The following PLPPR1 variants were observed in gnomAD, a reference collection of about 807,000 sequenced individuals.
PLPPR1 encodes phospholipid phosphatase-related protein type 1.
In PLPPR1, 10 loss-of-function variants were observed where a neutral mutation model predicts 33.1. The observed-to-expected ratio is 0.30, with a 90% CI of 0.19 to 0.51. The LOEUF (loss-of-function observed/expected upper bound fraction) is 0.51, where lower values mean the gene tolerates loss of function less well. PLPPR1 is among the 20% of genes least tolerant of loss of function. The probability of loss-of-function intolerance (pLI) is 0.97; values close to 1 mark genes in which losing one functional copy is unlikely to be tolerated. For missense variants in PLPPR1, 304 were observed against 408.1 expected (o/e 0.74, Z 2.20); for synonymous variants, 151 against 151.0 (o/e 1.00, Z 0.00).
At chr9:101,180,094 TTATATATATATATATATATA>T (rs71507977) in intron 1 of PLPPR1, among the ~76,000 whole-genome samples, 2,191 of 61,984 alleles carry the variant, frequency 0.035, 85 homozygotes, top group African/African-American at 0.062. Flanking sequence ...AAACTCTCCT[TTATATATATATATATATATA>T]TATATATATA....
At chr9:101,308,028 C>T (rs941356769) in intron 4 of PLPPR1, among the ~76,000 whole-genome samples, 2 of 152,138 alleles carry the variant, frequency 1.3e-5, no homozygotes, top group African/African-American at 4.8e-5. Context: ...TGGAATTTAC[C>T]AGAGAACAAA....
At chr9:101,234,220 C>T (rs943107183) in intron 2 of PLPPR1, among the ~76,000 whole-genome samples, 44 of 151,942 alleles carry the variant, frequency 2.9e-4, no homozygotes, top group African/African-American at 9.2e-4. Flanking sequence ...GTTTTCTCCC[C>T]CCTACTGTTT....
chr9:101,313,297 C>G (rs1346276681), intron 6 of PLPPR1, among the ~76,000 whole-genome samples: 1 of 152,102 alleles, frequency 6.6e-6, no homozygotes, highest in Non-Finnish European at 1.5e-5. Flanking sequence ...TCAAACCAAT[C>G]TTCTCTAAGT....
intron 1 of PLPPR1, among the ~76,000 whole-genome samples, chr9:101,128,899 T>TTC (rs1215301049): frequency 1.3e-5 from 2 of 152,180 alleles, no homozygotes; most frequent in Admixed American, 6.5e-5. Context: ...AATCCTGTTG[T>TTC]TCTCTCAAAG....
intron 1 of PLPPR1, among the ~76,000 whole-genome samples, chr9:101,114,647 T>G (rs943427618): frequency 6.6e-6 from 1 of 152,126 alleles, no homozygotes; most frequent in Non-Finnish European, 1.5e-5. Flanking sequence ...CACAGCACAG[T>G]GTAATTAAGG....
intron 1 of PLPPR1, among the ~76,000 whole-genome samples, chr9:101,050,148 A>AG: frequency 6.6e-6 from 1 of 150,808 alleles, no homozygotes; most frequent in South Asian, 2.1e-4. Flanking sequence ...AAAAAAAAAA[A>AG]GAGTATAAGC....
At chr9:101,269,739 C>A in intron 2 of PLPPR1, 141 bp from the exon 3 acceptor site, 1 of 750,034 alleles carries the variant, frequency 1.3e-6, no homozygotes, top group Non-Finnish European at 2.3e-6. Flanking sequence ...TCCCAGAGCA[C>A]GCTGCGCCTG....
chr9:101,252,946 C>T (rs1250549545), intron 2 of PLPPR1, among the ~76,000 whole-genome samples: 1 of 151,852 alleles, frequency 6.6e-6, no homozygotes, highest in African/African-American at 2.4e-5. Context: ...TTTTCATTAC[C>T]TAAGTCCCTA....
At chr9:101,250,727 A>G (rs1460818051) in intron 2 of PLPPR1, among the ~76,000 whole-genome samples, 1 of 152,090 alleles carries the variant, frequency 6.6e-6, no homozygotes, top group Non-Finnish European at 1.5e-5. Flanking sequence ...TCTTTGCTGC[A>G]TTCAATGCTG....
At chr9:101,108,746 T>G (rs1449260839) in intron 1 of PLPPR1, among the ~76,000 whole-genome samples, 1 of 152,256 alleles carries the variant, frequency 6.6e-6, no homozygotes, top group Non-Finnish European at 1.5e-5. Flanking sequence ...TCCAAACAAT[T>G]AAGCTACATC....
rs1330462126 is a variant in PLPPR1 at position 101,324,985 on chromosome 9, T to C, written c.*928T>C. ...ACTGCATCTCATTTTTCTAGCATGG[T>C]GAGAACTAATATGTAACTCCTTTGA... On this transcript the variant is annotated 3_prime_UTR_variant, in exon 8 of 8. Coordinates refer to ENST00000374874, the MANE Select transcript of PLPPR1 (RefSeq NM_207299.2). 6.6e-6 allele frequency: 1 copy of C among 152,590 alleles called. No homozygotes were observed. The highest frequency in any genetic ancestry group is 6.5e-5 in the Admixed American group (1 of 15,288). The allele number at this position is 152,590 out of a possible 1,614,324, so 9.5% of individuals were successfully genotyped here.
intron 2 of PLPPR1, among the ~76,000 whole-genome samples, chr9:101,208,553 C>T (rs983460006): frequency 8.5e-5 from 13 of 152,292 alleles, no homozygotes; most frequent in Non-Finnish European, 1.9e-4. Context: ...CTAAGTAGCT[C>T]TCTACTGGAA....
At chr9:101,202,895 C>T (rs1304473848) in intron 2 of PLPPR1, among the ~76,000 whole-genome samples, 3 of 152,184 alleles carry the variant, frequency 2.0e-5, no homozygotes, top group African/African-American at 7.2e-5. Context: ...TCAGAAAACC[C>T]TCAGGCACAG....
intron 2 of PLPPR1, among the ~76,000 whole-genome samples, chr9:101,187,021 A>G (rs895189117): frequency 2.0e-5 from 3 of 151,938 alleles, no homozygotes; most frequent in East Asian, 3.9e-4. Flanking sequence ...TGATAATTAT[A>G]CATATTGTGG....
At chr9:101,315,023 A>G (rs1829027662) in intron 6 of PLPPR1, among the ~76,000 whole-genome samples, 1 of 152,124 alleles carries the variant, frequency 6.6e-6, no homozygotes, top group African/African-American at 2.4e-5. Flanking sequence ...TGATATTTTG[A>G]TACAAGCATA....
rs1321338879 is a variant in PLPPR1 at position 101,227,785 on chromosome 9, T to C, written c.64-42095T>C. ...GTTTTTCAATTTTGTTCCTGTGTTT[T>C]TTGTTTTTTGTGATGGAGTCTCACT... On this transcript the variant is annotated intron_variant, in intron 2 of 7. Coordinates refer to ENST00000374874, the MANE Select transcript of PLPPR1 (RefSeq NM_207299.2). 2.0e-5 allele frequency among the ~76,000 whole-genome samples: 3 copies of C among 152,176 alleles called. No individual in the cohort carries two copies. The East Asian group carries it at 5.8e-4, about 29-fold the overall frequency.
At chr9:101,164,363 TTC>T (rs1491044636) in intron 1 of PLPPR1, among the ~76,000 whole-genome samples, 1 of 120,192 alleles carries the variant, frequency 8.3e-6, no homozygotes, top group Non-Finnish European at 1.9e-5. Flanking sequence ...TTCTTTTCTT[TTC>T]TTTTTTTTTT....
chr9:101,308,669 A>G (rs989445635), intron 4 of PLPPR1, among the ~76,000 whole-genome samples: 5 of 152,198 alleles, frequency 3.3e-5, no homozygotes, highest in Non-Finnish European at 5.9e-5. Context: ...AGACAATTCC[A>G]TAAGATCCTC....
chr9:101,321,372 T>C (rs927553618), intron 7 of PLPPR1, among the ~76,000 whole-genome samples: 1 of 152,218 alleles, frequency 6.6e-6, no homozygotes, highest in African/African-American at 2.4e-5. Flanking sequence ...AATATCTACC[T>C]TCTGTGATTC....
Sources: allele counts gnomAD v4.1 joint callset (sites outside exome capture counted in the v4.1 genomes callset), GRCh38; gene constraint gnomAD v4.1.1; transcripts MANE v1.5; gene names NCBI Gene and HGNC (gene_info 2026-07-23, HGNC 2026-07-21).